BEST3: variants seen among roughly 807,000 people sequenced by gnomAD.
BEST3 encodes the protein bestrophin 3, also known as bestrophin-3.
In BEST3, 50 loss-of-function variants were observed where a neutral mutation model predicts 47.1. That is an observed-to-expected ratio of 1.06 (90% CI 0.85 to 1.34). BEST3 has a LOEUF of 1.34. BEST3 is among the 40% of genes most tolerant of loss of function. The probability of loss-of-function intolerance (pLI) is 0.00; values close to 1 mark genes in which losing one functional copy is unlikely to be tolerated. For missense variants in BEST3, 765 were observed against 817.0 expected, an observed-to-expected ratio of 0.94 and a Z score of 0.78; for synonymous variants, 282 against 298.8, an observed-to-expected ratio of 0.94 and a Z score of 0.58.
downstream of BEST3, among the ~76,000 whole-genome samples, chr12:69,650,004 G>C (rs539036829): frequency 6.6e-6 from 1 of 152,352 alleles, no homozygotes; most frequent in African/African-American, 2.4e-5. Context: ...CAAAAGGAAG[G>C]TTTGAGTCCA....
chr12:69,663,710 A>C (rs1334258866), intron 9 of BEST3, among the ~76,000 whole-genome samples: 1 of 152,034 alleles, frequency 6.6e-6, no homozygotes, highest in Non-Finnish European at 1.5e-5. Context: ...AGTCCCAGCT[A>C]CTCAGGAGGC....
At chr12:69,685,534 T>G (rs1269770423) in intron 4 of BEST3, among the ~76,000 whole-genome samples, 1 of 152,138 alleles carries the variant, frequency 6.6e-6, no homozygotes, top group Non-Finnish European at 1.5e-5. Flanking sequence ...AATCCTAATA[T>G]CTGAGAATGG....
intron 7 of BEST3, among the ~76,000 whole-genome samples, chr12:69,675,064 G>A (rs572377633): frequency 6.7e-6 from 1 of 150,138 alleles, no homozygotes; most frequent in Admixed American, 6.6e-5. Flanking sequence ...CACCCAGCAG[G>A]TTTGCCTATC....
intron 4 of BEST3, among the ~76,000 whole-genome samples, chr12:69,689,991 C>A (rs1461462501): frequency 6.6e-6 from 1 of 152,154 alleles, no homozygotes; most frequent in African/African-American, 2.4e-5. Flanking sequence ...AGATGCAATA[C>A]TTCTCAAACT....
At chr12:69,648,000 A>G (rs190068149) in intron 9 of BEST3, among the ~76,000 whole-genome samples, 2 of 152,384 alleles carry the variant, frequency 1.3e-5, no homozygotes, top group East Asian at 3.9e-4. Context: ...GCACATGAAG[A>G]GATGCTTAAT....
chr12:69,650,290 G>C (rs542886286), downstream of BEST3, among the ~76,000 whole-genome samples: 57 of 152,338 alleles, frequency 3.7e-4, no homozygotes, highest in South Asian at 1.9e-3. Flanking sequence ...TTTGCAAAAA[G>C]AGAATGATCC....
rs1346848278 is a variant in BEST3, at chr12:69,672,876, T to A, written c.948+9A>T. 1.9e-6 allele frequency: 3 copies of A among 1,589,440 alleles called. No individual in the cohort carries two copies. Among genetic ancestry groups the A allele is most frequent in the Admixed American group, 3.5e-5 (2 of 56,408 alleles). On this transcript the variant is annotated intron_variant, in intron 8 of 9. Coordinates refer to ENST00000330891, the MANE Select transcript of BEST3 (RefSeq NM_032735.3). The stretch of plus-strand genomic sequence containing the variant: ...TAACATTTGAAAAAGAAAGAAAAAT[T>A]CCTCTAACCTGCAAATTTCTGTCAA...
intron 9 of BEST3, among the ~76,000 whole-genome samples, chr12:69,647,245 G>T (rs1334749712): frequency 6.6e-6 from 1 of 152,172 alleles, no homozygotes; most frequent in Non-Finnish European, 1.5e-5. Context: ...GAAGGATCCT[G>T]AACTATCATC....
chr12:69,695,515 G>A (rs1470819673), intron 2 of BEST3, among the ~76,000 whole-genome samples: 1 of 152,164 alleles, frequency 6.6e-6, no homozygotes, highest in Non-Finnish European at 1.5e-5. Flanking sequence ...CTGAAGTCAG[G>A]GAAAGCTGAC....
At chr12:69,648,526 CA>C (rs1883109407) in intron 9 of BEST3, among the ~76,000 whole-genome samples, 2 of 152,134 alleles carry the variant, frequency 1.3e-5, no homozygotes, top group South Asian at 2.1e-4. Flanking sequence ...AAAACAAACT[CA>C]GGGGCAAACA....
downstream of BEST3, among the ~76,000 whole-genome samples, chr12:69,649,245 G>A (rs912210632): frequency 2.6e-5 from 4 of 152,174 alleles, no homozygotes; most frequent in South Asian, 2.1e-4. Flanking sequence ...CGACCTGCCC[G>A]CCTTGGCCTC....
At position 69,676,419 on chromosome 12, in the gene BEST3, T is replaced by TAAA. The variant is rs35764914; in HGVS notation, c.867+494_867+496dup. 3.2e-3 allele frequency among the ~76,000 whole-genome samples: 448 copies of TAAA among 141,894 alleles called. 1 individual carries two copies. Among genetic ancestry groups the TAAA allele is most frequent in the African/African-American group, 0.01 (395 of 38,358 alleles). The allele number at this position is 141,894 out of a possible 152,430, so 93.1% of individuals were successfully genotyped here. A position where few individuals can be genotyped will look rare whatever the true frequency, so the allele number is the denominator to read the frequency against. On this transcript the variant is annotated intron_variant, in intron 7 of 9. Coordinates refer to ENST00000330891, the MANE Select transcript of BEST3 (RefSeq NM_032735.3). Reference sequence around the variant, plus strand: ...GAACAAGACTCTGTCTCAGGGAAAGTAAAAAAAAAAAAAAGAAAATGGGGT... The same window carrying TAAA: ...GAACAAGACTCTGTCTCAGGGAAAGTAAAAAAAAAAAAAAAAAGAAAATGGGGT...
chr12:69,690,722 G>A (rs540517274), intron 4 of BEST3, among the ~76,000 whole-genome samples: 14 of 152,254 alleles, frequency 9.2e-5, no homozygotes, highest in South Asian at 2.1e-4. Flanking sequence ...TAGGTCATAC[G>A]TTTCTTGTTT....
chr12:69,686,815 G>T (rs960617478), intron 4 of BEST3, among the ~76,000 whole-genome samples: 1 of 111,344 alleles, frequency 9.0e-6, no homozygotes, highest in African/African-American at 3.0e-5. Flanking sequence ...AAGAAAGAAG[G>T]AAAATATGCT....
intron 9 of BEST3, among the ~76,000 whole-genome samples, chr12:69,666,220 G>A (rs1234708108): frequency 6.6e-6 from 1 of 152,180 alleles, no homozygotes. Context: ...GTTTCATCAT[G>A]TTGGCCAGGT....
downstream of BEST3, chr12:69,653,600 A>G: frequency 1.0e-6 from 1 of 976,540 alleles, no homozygotes; most frequent in Non-Finnish European, 1.2e-6. Flanking sequence ...GTAAGCACTC[A>G]ATAAATGGTA....
At chr12:69,665,117 G>GTGACGATA in intron 9 of BEST3, among the ~76,000 whole-genome samples, 6 of 121,354 alleles carry the variant, frequency 4.9e-5, no homozygotes, top group Non-Finnish European at 6.0e-5. Context: ...CAGTAAAAGG[G>GTGACGATA]ATGCCAAGTC....
chr12:69,647,555 T>C (rs958362631), intron 9 of BEST3, among the ~76,000 whole-genome samples: 1 of 152,186 alleles, frequency 6.6e-6, no homozygotes, highest in Non-Finnish European at 1.5e-5. Context: ...GCAAAAAATA[T>C]GTAGAACTTA....
intron 9 of BEST3, chr12:69,660,191 A>G (rs868482608): frequency 5.3e-5 from 8 of 152,172 alleles, no homozygotes; most frequent in African/African-American, 1.9e-4. Flanking sequence ...TTGAAAGTTC[A>G]AAAGGGGTGA....
Sources: allele counts gnomAD v4.1 joint callset (sites outside exome capture counted in the v4.1 genomes callset), GRCh38; gene constraint gnomAD v4.1.1; transcripts MANE v1.5; gene names NCBI Gene and HGNC (gene_info 2026-07-23, HGNC 2026-07-21).